Variants in BAHCC1 observed in about 807,000 individuals in gnomAD.
The protein encoded by BAHCC1 is BAH and coiled-coil domain-containing protein 1.
A neutral mutation model predicts 88.2 loss-of-function variants in BAHCC1; 43 were observed. The observed-to-expected ratio is 0.49, with a 90% CI of 0.38 to 0.63. The LOEUF is 0.63. BAHCC1 is among the 20% of genes least tolerant of loss of function. BAHCC1 has a pLI of 0.00. For synonymous variants in BAHCC1, 1,510 were observed against 745.5 expected (o/e 2.03, Z -16.71); for missense variants, 3,023 against 1,654.8 (o/e 1.83, Z -14.34).
chr17:81,411,187 C>T lies in BAHCC1; in HGVS notation c.178+11270C>T, dbSNP rs782450523. On this transcript the variant is annotated intron_variant, in intron 2 of 27. Coordinates refer to ENST00000675386, the MANE Select transcript of BAHCC1 (RefSeq NM_001377448.1). This position sits in a 1 kb window ranked among gnomAD's most constrained non-coding sequence, Gnocchi z 6.2. Reference sequence around the variant, plus strand: ...TCCTGTCTCTGCCCCAGGCTGAGGCCGAGGGTCTGCGCCACCTGGGCATGC... The same window carrying T: ...TCCTGTCTCTGCCCCAGGCTGAGGCTGAGGGTCTGCGCCACCTGGGCATGC... 3.1e-5 allele frequency: 16 copies of T among 517,882 alleles called. No homozygotes were observed. Among genetic ancestry groups the T allele is most frequent in the African/African-American group, 1.2e-4 (6 of 51,884 alleles). The allele number at this position is 517,882 out of a possible 1,614,324, so 32.1% of individuals were successfully genotyped here. A position where few individuals can be genotyped will look rare whatever the true frequency, so the allele number is the denominator to read the frequency against.
At chr17:81,455,531 C>G in intron 15 of BAHCC1, 141 bp downstream of exon 15, 2 of 610,092 alleles carry the variant, frequency 3.3e-6, no homozygotes, top group Non-Finnish European at 5.9e-6. Context: ...GCTCCGAGCG[C>G]CGACAGCAGG....
rs964778864 is a variant in BAHCC1 at position 81,458,132 on chromosome 17, G to C, written c.5042-33G>C. The C allele has an allele frequency of 4.2e-6, 3 of 714,824 alleles. No homozygotes were observed. In the Admixed American group the frequency reaches 6.0e-5, roughly 14 times the overall value. The allele number at this position is 714,824 out of a possible 1,614,324, so 44.3% of individuals were successfully genotyped here. A position where few individuals can be genotyped will look rare whatever the true frequency, so the allele number is the denominator to read the frequency against. On this transcript the variant is annotated intron_variant, in intron 17 of 27. Transcript: ENST00000675386. ...CAACCAGCCGGGTCTCTAGGATGGG[G>C]ACCCCTGTGACGGCCTCCTCTCCTT...
intron 3 of BAHCC1, among the ~76,000 whole-genome samples, chr17:81,433,203 C>G (rs997814689): frequency 1.3e-5 from 2 of 151,990 alleles, no homozygotes; most frequent in Non-Finnish European, 2.9e-5. Context: ...AAGAACGAAT[C>G]TCTTGCTGTG....
At chr17:81,460,164 G>A in intron 23 of BAHCC1, 113 bp from the exon 24 acceptor site, 1 of 653,886 alleles carries the variant, frequency 1.5e-6, no homozygotes, top group Non-Finnish European at 2.8e-6. Context: ...TGGTCAGGGA[G>A]CAGAACCCCA....
intron 3 of BAHCC1, among the ~76,000 whole-genome samples, chr17:81,436,779 C>T (rs1555651815): frequency 1.3e-5 from 2 of 152,232 alleles, no homozygotes; most frequent in East Asian, 1.9e-4. Flanking sequence ...AGGGCCAGGG[C>T]GCCCTCCCCA....
intron 2 of BAHCC1, among the ~76,000 whole-genome samples, chr17:81,409,399 G>A (rs549564663): frequency 1.3e-5 from 2 of 152,346 alleles, no homozygotes; most frequent in Admixed American, 6.5e-5. Flanking sequence ...TGAGTGGCCT[G>A]GGGAAGGGGG....
In BAHCC1 at chr17:81,460,539, C is replaced by G. The variant is rs782341322; in HGVS notation, c.6035C>G (p.Pro2012Arg). The change falls in exon 25 of 28, where the codon CCC (proline) becomes CGC (arginine). Residue 2012 changes from proline to arginine, a missense_variant. Pro to Arg is a moderately radical substitution (Grantham distance 103, BLOSUM62 -2). Transcript: ENST00000675386. ...PPDFKIQCTE[P>R]SPALLVSSSC... The stretch of plus-strand genomic sequence containing the variant: ...CCCATGCTATCCACAGGCACAGAGC[C>G]CTCTCCAGCCCTGCTAGTGTCTAGC... 171 of 750,784 alleles carry G rather than the reference C, an allele frequency of 2.3e-4. No homozygotes were observed. Among genetic ancestry groups the G allele is most frequent in the Non-Finnish European group, 3.3e-4 (134 of 404,006 alleles). 46.5% of individuals were successfully genotyped at this position (750,784 alleles called of 1,614,324 possible). A position where few individuals can be genotyped will look rare whatever the true frequency, so the allele number is the denominator to read the frequency against.
chr17:81,428,906 A>T (rs1357006889), intron 3 of BAHCC1, among the ~76,000 whole-genome samples: 3 of 152,152 alleles, frequency 2.0e-5, no homozygotes, highest in Non-Finnish European at 4.4e-5. Flanking sequence ...ATGTCCTGCC[A>T]CAAGTGTCGA....
intron 2 of BAHCC1, chr17:81,413,230 C>T (rs1422493516): frequency 5.0e-5 from 14 of 277,740 alleles, no homozygotes; most frequent in Middle Eastern, 5.3e-4. Flanking sequence ...CCCGGGCGCT[C>T]GCTGCTGGCT....
rs2064322829 is a variant in BAHCC1, at chr17:81,435,481, G to A, written c.359-2889G>A. 1 of 470,878 alleles carries A rather than the reference G, an allele frequency of 2.1e-6. No individual in the cohort carries two copies. Among genetic ancestry groups the A allele is most frequent in the East Asian group, 6.9e-5 (1 of 14,408 alleles). The allele number at this position is 470,878 out of a possible 1,614,324, so 29.2% of individuals were successfully genotyped here. A position where few individuals can be genotyped will look rare whatever the true frequency, so the allele number is the denominator to read the frequency against. ...CAGCCTGTGTCCTGACCACCTCTCT[G>A]GCGGTTCGCTTAGCCCAGGGCTTGC... On this transcript the variant is annotated intron_variant, in intron 3 of 27. Transcript: ENST00000675386. The surrounding 1 kb of genome is among the most constrained non-coding windows in gnomAD (Gnocchi z 4.4).
intron 3 of BAHCC1, among the ~76,000 whole-genome samples, chr17:81,427,478 C>T: frequency 6.6e-6 from 1 of 152,204 alleles, no homozygotes; most frequent in East Asian, 1.9e-4. Context: ...CCCCGTGGGA[C>T]ACAGCCCTGG....
At chr17:81,403,919 G>A (rs894340316) in intron 2 of BAHCC1, among the ~76,000 whole-genome samples, 6 of 152,232 alleles carry the variant, frequency 3.9e-5, no homozygotes, top group Non-Finnish European at 5.9e-5. Context: ...CTGCCACCAC[G>A]TCTGATTATC....
chr17:81,423,120 C>T (rs1368038095), intron 2 of BAHCC1, among the ~76,000 whole-genome samples: 2 of 152,300 alleles, frequency 1.3e-5, no homozygotes, highest in African/African-American at 2.4e-5. Flanking sequence ...TCCACAGTCC[C>T]TTGGGCCGGC....
intron 2 of BAHCC1, among the ~76,000 whole-genome samples, chr17:81,424,739 A>G (rs1191896324): frequency 2.7e-5 from 4 of 146,302 alleles, no homozygotes; most frequent in Non-Finnish European, 1.5e-5. Context: ...GGTGGTGGTG[A>G]TGGTGATGTA....
chr17:81,415,439 G>A (rs2064007778), intron 2 of BAHCC1: 2 of 433,882 alleles, frequency 4.6e-6, no homozygotes, highest in Admixed American at 4.8e-5. Flanking sequence ...CCCCCTGGAA[G>A]GGTAACGCGA....
intron 3 of BAHCC1, among the ~76,000 whole-genome samples, chr17:81,428,943 G>A (rs1892476966): frequency 6.6e-6 from 1 of 152,254 alleles, no homozygotes; most frequent in South Asian, 2.1e-4. Flanking sequence ...CTGGGCCTCT[G>A]AGCCCCTTCT....
intron 3 of BAHCC1, among the ~76,000 whole-genome samples, chr17:81,429,673 G>C (rs1010808225): frequency 2.6e-5 from 4 of 152,218 alleles, no homozygotes; most frequent in African/African-American, 9.6e-5. Flanking sequence ...GGGCTGCCTG[G>C]GCGGTTGGCC....
intron 2 of BAHCC1, among the ~76,000 whole-genome samples, chr17:81,423,939 G>A (rs2064144348): frequency 6.6e-6 from 1 of 152,220 alleles, no homozygotes; most frequent in Non-Finnish European, 1.5e-5. Context: ...AGAAGTGCGG[G>A]GTATCCTGGC....
intron 2 of BAHCC1, chr17:81,422,885 C>T (rs1472223591): frequency 2.7e-5 from 9 of 335,584 alleles, no homozygotes; most frequent in Admixed American, 8.0e-5. Context: ...GGCGAGGCAG[C>T]GGCAAGCTTC....
Sources: gnomAD v4.1 joint callset for allele counts (sites outside exome capture counted in the v4.1 genomes callset) on GRCh38, gnomAD v4.1.1 for gene constraint, Gnocchi (gnomAD v3.1) non-coding constraint, MANE v1.5 for transcripts, NCBI Gene and HGNC (gene_info 2026-07-23, HGNC 2026-07-21) for gene names.